The following KCNA2 variants were observed in gnomAD, a reference collection of about 807,000 sequenced individuals.
KCNA2 encodes the protein potassium channel, voltage gated shaker related subfamily A, member 2.
KCNA2 carries 11 observed loss-of-function variants against 33.4 expected under a neutral mutation model. The observed-to-expected ratio is 0.33, with a 90% CI of 0.21 to 0.55. The LOEUF (loss-of-function observed/expected upper bound fraction) is 0.55, where lower values mean the gene tolerates loss of function less well. KCNA2 is among the 20% of genes least tolerant of loss of function. The pLI, the probability that KCNA2 is intolerant of heterozygous loss-of-function variation, is 0.93. For missense variants in KCNA2, 291 were observed against 621.6 expected (o/e 0.47, Z 5.66); for synonymous variants, 222 against 231.3 (o/e 0.96, Z 0.37).
intron 1 of KCNA2, among the ~76,000 whole-genome samples, chr1:110,627,615 T>A (rs1207556170): frequency 3.3e-5 from 5 of 152,144 alleles, no homozygotes; most frequent in Non-Finnish European, 7.4e-5. Context: ...ACTTAGTAGA[T>A]GCTCAATAAA....
Position 110,593,869 on chromosome 1 carries a change from A to C in KCNA2, c.*9414T>G. 1 of 1,549,656 alleles carries C rather than the reference A, an allele frequency of 6.5e-7. No homozygotes were observed. Among genetic ancestry groups the C allele is most frequent in the African/African-American group, 1.4e-5 (1 of 73,112 alleles). Reference sequence around the variant, plus strand: ...TGTTGGTGGGGCTGAAAGCTTCCAGAATATGTCAGCAAGAATGATAATATC... The same window carrying C: ...TGTTGGTGGGGCTGAAAGCTTCCAGCATATGTCAGCAAGAATGATAATATC... On this transcript the variant is annotated 3_prime_UTR_variant, in exon 3 of 3. Coordinates refer to ENST00000316361, the MANE Select transcript of KCNA2 (RefSeq NM_004974.4).
rs1472251617 is a variant in KCNA2 at position 110,604,804 on chromosome 1, C to T, written c.-22G>A. The T allele has an allele frequency of 6.3e-7, 1 of 1,594,766 alleles. No homozygotes were observed. The highest frequency in any genetic ancestry group is 8.5e-7 in the Non-Finnish European group (1 of 1,170,018). On this transcript the variant is annotated 5_prime_UTR_variant, in exon 3 of 3. Transcript: ENST00000316361. This position sits in a 1 kb window ranked among gnomAD's most constrained non-coding sequence, Gnocchi z 7.6. ...TCATAATTGGGACTGAGAGAAGCAC[C>T]TCACGCTATGCCTTTCAGCTGCCTG...
In KCNA2 at chr1:110,612,022, T is replaced by A. The variant is rs368310368; in HGVS notation, c.-495-6300A>T. On this transcript the variant is annotated intron_variant, in intron 1 of 4. Transcript: ENST00000369770. ...CTGGGTGACAGGGTGAGAACCTGTC[T>A]CAAATAAATAAATAAATAAAATAAA... 5.3e-5 allele frequency among the ~76,000 whole-genome samples: 8 copies of A among 152,150 alleles called. No individual in the cohort carries two copies. In the East Asian group the frequency reaches 9.7e-4, roughly 18 times the overall value.
At chr1:110,611,040 G>GGAAGGAAGGAAC (rs1649853114), upstream of KCNA2, among the ~76,000 whole-genome samples, 1 of 151,176 alleles carries the variant, frequency 6.6e-6, no homozygotes, top group South Asian at 2.1e-4. Context: ...AAGGAAGGAA[G>GGAAGGAAGGAAC]GAAGGAAGGA....
At chr1:110,621,658 C>T (rs181652439) in intron 1 of KCNA2, among the ~76,000 whole-genome samples, 14 of 152,138 alleles carry the variant, frequency 9.2e-5, no homozygotes, top group Non-Finnish European at 1.5e-4. Context: ...GATGACATTA[C>T]TATTATTAAC....
chr1:110,624,872 C>T (rs1053611663), intron 1 of KCNA2, among the ~76,000 whole-genome samples: 1 of 152,108 alleles, frequency 6.6e-6, no homozygotes, highest in East Asian at 1.9e-4. Flanking sequence ...AGGTTGATAT[C>T]GGTGAAAAGT....
Position 110,599,665 on chromosome 1 carries a change from A to G in KCNA2, c.*3618T>C. Reference sequence around the variant, plus strand: ...GCTGCAAAGGATGGAAGGGCAATAAAATCTGTGGGCTTAGAGAATGTTGGG... The same window carrying G: ...GCTGCAAAGGATGGAAGGGCAATAAGATCTGTGGGCTTAGAGAATGTTGGG... On this transcript the variant is annotated 3_prime_UTR_variant, in exon 3 of 3. Coordinates refer to ENST00000316361, the MANE Select transcript of KCNA2 (RefSeq NM_004974.4). The G allele has an allele frequency of 1.0e-6, 1 of 985,380 alleles. No individual in the cohort carries two copies. The highest frequency in any genetic ancestry group is 1.2e-6 in the Non-Finnish European group (1 of 829,924). 61.0% of individuals were successfully genotyped at this position (985,380 alleles called of 1,614,324 possible).
intron 1 of KCNA2, among the ~76,000 whole-genome samples, chr1:110,624,186 A>G (rs1650333910): frequency 6.6e-6 from 1 of 152,280 alleles, no homozygotes; most frequent in East Asian, 1.9e-4. Context: ...ACAAAGACTT[A>G]TATGAGAATA....
rs1433710805 is a variant in KCNA2 at position 110,594,741 on chromosome 1, C to T, written c.*8542G>A. 1.0e-6 allele frequency: 1 copy of T among 985,324 alleles called. No homozygotes were observed. Among genetic ancestry groups the T allele is most frequent in the Non-Finnish European group, 1.2e-6 (1 of 830,002 alleles). The allele number at this position is 985,324 out of a possible 1,614,324, so 61.0% of individuals were successfully genotyped here. On this transcript the variant is annotated 3_prime_UTR_variant, in exon 3 of 3. Coordinates refer to ENST00000316361, the MANE Select transcript of KCNA2 (RefSeq NM_004974.4). ...GGCAAGCACAGAGCATGTTCAAACC[C>T]TCAGGAGCTGAGACTCACCCCCGCC...
At chr1:110,617,382 TG>T (rs1171887243) in intron 1 of KCNA2, among the ~76,000 whole-genome samples, 2 of 152,054 alleles carry the variant, frequency 1.3e-5, no homozygotes, top group East Asian at 3.9e-4. Flanking sequence ...GAGAGGTCGA[TG>T]GGGGAAGACT....
rs1649402859 is a variant in KCNA2, at chr1:110,602,457, G to A, written c.*826C>T. 4.8e-6 allele frequency: 6 copies of A among 1,251,790 alleles called. No individual in the cohort carries two copies. In the African/African-American group the frequency reaches 9.1e-5, roughly 19 times the overall value. The allele number at this position is 1,251,790 out of a possible 1,614,324, so 77.5% of individuals were successfully genotyped here. A position where few individuals can be genotyped will look rare whatever the true frequency, so the allele number is the denominator to read the frequency against. ...TTTCACTGCAGTGTCAGTGTAGCTG[G>A]GCCACATCAGTGGGAAAGCAGATGT... On this transcript the variant is annotated 3_prime_UTR_variant, in exon 3 of 3. Transcript: ENST00000316361.
At chr1:110,627,036 C>T (rs1359022491) in intron 1 of KCNA2, among the ~76,000 whole-genome samples, 2 of 152,170 alleles carry the variant, frequency 1.3e-5, no homozygotes, top group Non-Finnish European at 2.9e-5. Context: ...TTTAATCTTA[C>T]CGTCAACCAC....
At chr1:110,624,060 G>C (rs1423612890) in intron 1 of KCNA2, among the ~76,000 whole-genome samples, 1 of 152,178 alleles carries the variant, frequency 6.6e-6, no homozygotes, top group Non-Finnish European at 1.5e-5. Flanking sequence ...AATGTAAAAT[G>C]GTGAATCTAC....
At position 110,604,648 on chromosome 1, in the gene KCNA2, C is replaced by T; in HGVS notation, c.135G>A (p.Glu45=). 1.2e-6 allele frequency: 2 copies of T among 1,614,182 alleles called. No homozygotes were observed. Among genetic ancestry groups the T allele is most frequent in the South Asian group, 1.1e-5 (1 of 91,078 alleles). The change falls in exon 3 of 3, where the codon GAG becomes GAA. Residue 45 remains glutamate, a synonymous_variant. Coordinates refer to ENST00000316361, the MANE Select transcript of KCNA2 (RefSeq NM_004974.4). This position sits in a 1 kb window ranked among gnomAD's most constrained non-coding sequence, Gnocchi z 7.6. The stretch of plus-strand genomic sequence containing the variant: ...ACTGGGCTAAGGTCTTTAGCTGGGT[C>T]TCAAACCGCAGCCCTGAGATGTTGA... ...VVINISGLRF[E]TQLKTLAQFP...
In KCNA2 at chr1:110,602,368, T is replaced by C; in HGVS notation, c.*915A>G. On this transcript the variant is annotated 3_prime_UTR_variant, in exon 3 of 3. Coordinates refer to ENST00000316361, the MANE Select transcript of KCNA2 (RefSeq NM_004974.4). ...GCTACTAGGAAAATAGGTTATCTCC[T>C]GTGTTTTAAATATTGAGATTCATGC... The C allele has an allele frequency of 7.1e-7, 1 of 1,407,726 alleles. No homozygotes were observed. The highest frequency in any genetic ancestry group is 9.2e-7 in the Non-Finnish European group (1 of 1,086,118). The allele number at this position is 1,407,726 out of a possible 1,614,324, so 87.2% of individuals were successfully genotyped here.
intron 1 of KCNA2, among the ~76,000 whole-genome samples, chr1:110,625,571 A>G (rs180698397): frequency 3.9e-5 from 6 of 152,338 alleles, no homozygotes; most frequent in Admixed American, 3.3e-4. Context: ...TCATAAAACT[A>G]AAGCCATAAA....
chr1:110,609,938 A>T (rs2101428251), upstream of KCNA2, among the ~76,000 whole-genome samples: 1 of 152,330 alleles, frequency 6.6e-6, no homozygotes, highest in South Asian at 2.1e-4. Context: ...CGAATGGGAG[A>T]GCAAAGCTAC....
At chr1:110,629,214 A>G (rs781123511) in intron 1 of KCNA2, among the ~76,000 whole-genome samples, 5 of 152,168 alleles carry the variant, frequency 3.3e-5, no homozygotes, top group African/African-American at 4.8e-5. Context: ...GTGATCCCCA[A>G]TTACCACCAA....
Position 110,601,785 on chromosome 1 carries a change from T to C in KCNA2, c.*1498A>G, listed in dbSNP as rs1403672471. ...CTGAACTCCAGAAAATGAATATATATATATATATATGTGTGTGTGTGTGTG... is the reference window on the plus strand; with the variant it reads ...CTGAACTCCAGAAAATGAATATATACATATATATATGTGTGTGTGTGTGTG... On this transcript the variant is annotated 3_prime_UTR_variant, in exon 3 of 3. Coordinates refer to ENST00000316361, the MANE Select transcript of KCNA2 (RefSeq NM_004974.4). The C allele has an allele frequency of 8.5e-7, 1 of 1,172,378 alleles. No individual in the cohort carries two copies. Among genetic ancestry groups the C allele is most frequent in the Non-Finnish European group, 1.0e-6 (1 of 958,148 alleles). The allele number at this position is 1,172,378 out of a possible 1,614,324, so 72.6% of individuals were successfully genotyped here.
Sources: gnomAD v4.1 joint callset for allele counts (sites outside exome capture counted in the v4.1 genomes callset) on GRCh38, gnomAD v4.1.1 for gene constraint, Gnocchi (gnomAD v3.1) non-coding constraint, MANE v1.5 for transcripts, NCBI Gene and HGNC (gene_info 2026-07-23, HGNC 2026-07-21) for gene names.